MARCHF1: variants seen among roughly 807,000 people sequenced by gnomAD.
The protein encoded by MARCHF1 is membrane associated ring-CH-type finger 1.
A neutral mutation model predicts 54.2 loss-of-function variants in MARCHF1; 40 were observed. The ratio of observed to expected loss-of-function variants is 0.74; its 90% CI spans 0.57 to 0.96. MARCHF1 has a LOEUF of 0.96. Ranked by LOEUF, MARCHF1 falls within the 40% of genes least tolerant of loss-of-function variation. The pLI, the probability that MARCHF1 is intolerant of heterozygous loss-of-function variation, is 0.00. For synonymous variants in MARCHF1, 236 were observed against 236.3 expected (o/e 1.00, Z 0.01); for missense variants, 586 against 656.5 (o/e 0.89, Z 1.17).
At chr4:163,816,670 T>C (rs1380769595) in intron 4 of MARCHF1, among the ~76,000 whole-genome samples, 1 of 152,110 alleles carries the variant, frequency 6.6e-6, no homozygotes, top group African/African-American at 2.4e-5. Flanking sequence ...GTGGTGCTAT[T>C]ATCTCTCCTT....
intron 2 of MARCHF1, among the ~76,000 whole-genome samples, chr4:164,063,013 T>C (rs747510573): frequency 6.6e-6 from 1 of 152,220 alleles, no homozygotes; most frequent in Non-Finnish European, 1.5e-5. Context: ...GGTTTTTGCT[T>C]GTTGTTTTCT....
chr4:163,743,442 T>C (rs937076407), intron 4 of MARCHF1, among the ~76,000 whole-genome samples: 5 of 152,188 alleles, frequency 3.3e-5, no homozygotes, highest in African/African-American at 1.2e-4. Context: ...AAATGTAACG[T>C]TGAGCGTTTT....
intron 1 of MARCHF1, among the ~76,000 whole-genome samples, chr4:164,187,268 C>T (rs1367045000): frequency 3.3e-5 from 2 of 61,078 alleles, no homozygotes; most frequent in Non-Finnish European, 9.7e-5. Context: ...ACTAGGTCTG[C>T]CCCCCTCCTG....
chr4:164,277,084 T>C (rs1202637071), intron 1 of MARCHF1, among the ~76,000 whole-genome samples: 1 of 152,016 alleles, frequency 6.6e-6, no homozygotes, highest in Non-Finnish European at 1.5e-5. Context: ...TTTGCAGTTA[T>C]AGGGCTTTTG....
At chr4:163,813,334 G>GAAT (rs1748445649) in intron 4 of MARCHF1, among the ~76,000 whole-genome samples, 12 of 152,146 alleles carry the variant, frequency 7.9e-5, no homozygotes, top group Admixed American at 7.9e-4. Context: ...TTGTATGTTA[G>GAAT]TCAATGTCTT....
intron 8 of MARCHF1, 46 bp from the exon 9 acceptor site, chr4:163,545,789 A>C: frequency 1.9e-6 from 3 of 1,588,772 alleles, no homozygotes; most frequent in Middle Eastern, 1.7e-4. Flanking sequence ...CAAACTAGGA[A>C]ATTTTGCTCC....
chr4:163,979,080 T>A (rs1280203858), intron 3 of MARCHF1, among the ~76,000 whole-genome samples: 1 of 142,720 alleles, frequency 7.0e-6, no homozygotes. Flanking sequence ...TGCAGCTTAG[T>A]TACATATATA....
chr4:163,870,379 T>C (rs1166967954), intron 3 of MARCHF1, among the ~76,000 whole-genome samples: 1 of 152,132 alleles, frequency 6.6e-6, no homozygotes, highest in African/African-American at 2.4e-5. Flanking sequence ...ATTTAAGATA[T>C]GGACAAATAA....
intron 5 of MARCHF1, among the ~76,000 whole-genome samples, chr4:163,625,252 C>A (rs746813912): frequency 1.3e-5 from 2 of 152,156 alleles, no homozygotes; most frequent in African/African-American, 2.4e-5. Flanking sequence ...TGCATGGGCC[C>A]TTTTCAACTT....
At chr4:163,554,736 A>G (rs1739228340) in intron 8 of MARCHF1, among the ~76,000 whole-genome samples, 1 of 152,248 alleles carries the variant, frequency 6.6e-6, no homozygotes, top group South Asian at 2.1e-4. Flanking sequence ...TAAACCAGGC[A>G]TAAATATTCT....
intron 3 of MARCHF1, among the ~76,000 whole-genome samples, chr4:163,923,222 A>G (rs1751469470): frequency 6.6e-6 from 1 of 152,136 alleles, no homozygotes; most frequent in African/African-American, 2.4e-5. Flanking sequence ...AATGACAAAT[A>G]CTTTCCCTTC....
At chr4:164,380,286 A>G (rs1482047217) in intron 1 of MARCHF1, among the ~76,000 whole-genome samples, 1 of 144,632 alleles carries the variant, frequency 6.9e-6, no homozygotes, top group African/African-American at 2.5e-5. Flanking sequence ...TTAGAAATTT[A>G]AAGTGATTAA....
chr4:163,828,024 C>CAT (rs1239672650), intron 4 of MARCHF1, among the ~76,000 whole-genome samples: 21 of 95,908 alleles, frequency 2.2e-4, no homozygotes, highest in Non-Finnish European at 2.0e-4. Flanking sequence ...TACACACACA[C>CAT]ACACACACAC....
chr4:163,941,103 T>A (rs1180934869), intron 3 of MARCHF1, among the ~76,000 whole-genome samples: 1 of 152,098 alleles, frequency 6.6e-6, no homozygotes, highest in African/African-American at 2.4e-5. Context: ...AATCCTACTC[T>A]GCTAAACAGG....
At chr4:164,059,924 T>C (rs1246703784) in intron 2 of MARCHF1, among the ~76,000 whole-genome samples, 1 of 152,154 alleles carries the variant, frequency 6.6e-6, no homozygotes, top group Admixed American at 6.5e-5. Context: ...GGTAAGTAAA[T>C]AACTCATTTA....
intron 4 of MARCHF1, among the ~76,000 whole-genome samples, chr4:163,822,429 G>C (rs961353185): frequency 1.3e-5 from 2 of 151,830 alleles, no homozygotes; most frequent in African/African-American, 4.8e-5. Flanking sequence ...GTTGTTTAAG[G>C]TATAGAGGTC....
chr4:163,538,578 C>A (rs1738615214), intron 9 of MARCHF1, among the ~76,000 whole-genome samples: 1 of 152,170 alleles, frequency 6.6e-6, no homozygotes, highest in African/African-American at 2.4e-5. Flanking sequence ...CTTTACAGCC[C>A]ATGCCCTAAG....
At chr4:164,142,113 C>T (rs966515223) in intron 1 of MARCHF1, among the ~76,000 whole-genome samples, 9 of 152,214 alleles carry the variant, frequency 5.9e-5, no homozygotes, top group Non-Finnish European at 1.0e-4. Flanking sequence ...GCTTTTCCAA[C>T]GGGCTTAAAA....
chr4:164,231,341 A>T (rs1677568780), intron 1 of MARCHF1, among the ~76,000 whole-genome samples: 1 of 152,120 alleles, frequency 6.6e-6, no homozygotes, highest in African/African-American at 2.4e-5. Flanking sequence ...ATTTCTATTG[A>T]TAGAGAAATG....
Sources: gnomAD v4.1 joint callset for allele counts (sites outside exome capture counted in the v4.1 genomes callset) on GRCh38, gnomAD v4.1.1 for gene constraint, MANE v1.5 for transcripts, NCBI Gene and HGNC (gene_info 2026-07-23, HGNC 2026-07-21) for gene names.